TRAF5: variants seen among roughly 807,000 people sequenced by gnomAD.
TRAF5 encodes TNF receptor associated factor 5, also known as TNF receptor-associated factor 5.
TRAF5 carries 48 observed loss-of-function variants against 64.5 expected under a neutral mutation model. That is an observed-to-expected ratio of 0.74 (90% CI 0.59 to 0.95). TRAF5 has a LOEUF of 0.95. Ranked by LOEUF, TRAF5 falls within the 40% of genes least tolerant of loss-of-function variation. The probability of loss-of-function intolerance (pLI) is 0.00; values close to 1 mark genes in which losing one functional copy is unlikely to be tolerated. For synonymous variants in TRAF5, 206 were observed against 240.5 expected, an observed-to-expected ratio of 0.86 and a Z score of 1.33; for missense variants, 545 against 662.8, an observed-to-expected ratio of 0.82 and a Z score of 1.95.
At position 211,361,129 on chromosome 1, in the gene TRAF5, C is replaced by T; in HGVS notation, c.663C>T (p.Asp221=). Reference sequence around the variant, plus strand: ...CTGTATGTCCTGAAGCTGAGCAAGACTGTCCTTTTAAGCACTATGGCTGTG... The same window carrying T: ...CTGTATGTCCTGAAGCTGAGCAAGATTGTCCTTTTAAGCACTATGGCTGTG... ...HLAVCPEAEQ[D]CPFKHYGCAV... is the part of the protein sequence containing the mutation. The change falls in exon 7 of 11, where the codon GAC becomes GAT. Residue 221 remains aspartate (D), a synonymous_variant. Coordinates refer to ENST00000261464, the MANE Select transcript of TRAF5 (RefSeq NM_001033910.3). 6.2e-7 allele frequency: 1 copy of T among 1,614,188 alleles called. No homozygotes were observed. Among genetic ancestry groups the T allele is most frequent in the Non-Finnish European group, 8.5e-7 (1 of 1,180,018 alleles).
intron 1 of TRAF5, among the ~76,000 whole-genome samples, chr1:211,337,668 A>G (rs1243839870): frequency 1.3e-5 from 2 of 152,218 alleles, no homozygotes; most frequent in African/African-American, 4.8e-5. Context: ...CAGAGTGATT[A>G]TGCTGACAGT....
intron 8 of TRAF5, 71 bp downstream of exon 8, chr1:211,365,539 A>ATT: frequency 8.1e-7 from 1 of 1,241,700 alleles, no homozygotes; most frequent in East Asian, 2.5e-5. Context: ...CTATGCTGGT[A>ATT]TTTTTCTATT....
At position 211,326,833 on chromosome 1, in the gene TRAF5, A is replaced by C. The variant is rs1285287470; in HGVS notation, c.-58A>C. 31 of 984,406 alleles carry C rather than the reference A, an allele frequency of 3.1e-5. No individual in the cohort carries two copies. In the East Asian group the frequency reaches 2.4e-3, roughly 76 times the overall value. 61.0% of individuals were successfully genotyped at this position (984,406 alleles called of 1,614,324 possible). ...TTCGCCGCCGCCGCCGGCCGCAGCC[A>C]GGAGCAGCAGCCGCGCCTGCAGACC... On this transcript the variant is annotated 5_prime_UTR_variant, in exon 1 of 11. Coordinates refer to ENST00000261464, the MANE Select transcript of TRAF5 (RefSeq NM_001033910.3). This position sits in a 1 kb window ranked among gnomAD's most constrained non-coding sequence, Gnocchi z 5.0.
At chr1:211,349,478 T>C (rs544456209) in intron 1 of TRAF5, among the ~76,000 whole-genome samples, 1 of 152,260 alleles carries the variant, frequency 6.6e-6, no homozygotes, top group African/African-American at 2.4e-5. Context: ...GCTAGTTCCT[T>C]TGAGCCCATT....
chr1:211,372,184 C>G lies in TRAF5; in HGVS notation c.1156C>G (p.Gln386Glu), dbSNP rs1394921349. Residue 386 changes from glutamine (Q) to glutamate (E), a missense_variant, in exon 11 of 11, where the codon CAG becomes GAG. Gln to Glu is a conservative substitution (Grantham distance 29). Transcript: ENST00000261464. The stretch of plus-strand genomic sequence containing the variant: ...TACCCACATTAATATTCATAAAGCA[C>G]AGCTGAGTAAAAATGAAGAGCGATT... ...HDTHINIHKA[Q>E]LSKNEERFKL... 1.2e-6 allele frequency: 2 copies of G among 1,612,196 alleles called. No individual in the cohort carries two copies. The highest frequency in any genetic ancestry group is 4.5e-5 in the East Asian group (2 of 44,788).
chr1:211,364,794 G>A (rs1703295750), intron 7 of TRAF5, among the ~76,000 whole-genome samples: 1 of 152,132 alleles, frequency 6.6e-6, no homozygotes, highest in African/African-American at 2.4e-5. Flanking sequence ...TTAACCCATA[G>A]TCATATACTC....
intron 8 of TRAF5, among the ~76,000 whole-genome samples, chr1:211,368,015 G>A (rs567096224): frequency 1.6e-3 from 237 of 152,290 alleles, no homozygotes; most frequent in Non-Finnish European, 2.6e-3. Context: ...AACTTGAGAG[G>A]TGGTCTCGGC....
Position 211,369,452 on chromosome 1 carries a change from AT to A in TRAF5, c.793del (p.Ser265LeufsTer7), listed in dbSNP as rs766898169. The A allele has an allele frequency of 7.0e-6, 11 of 1,577,110 alleles. No homozygotes were observed. The African/African-American group carries it at 1.5e-4, about 22-fold the overall frequency. On this transcript the variant is annotated frameshift_variant and splice_region_variant, in exon 9 of 11. Coordinates refer to ENST00000261464, the MANE Select transcript of TRAF5 (RefSeq NM_001033910.3). LOFTEE classifies it high-confidence loss of function. ...TTTTTCCTCACGTTCCTGTTATTAGATTTCTGACTTACACAAGAGCCTAGAA... is the reference window on the plus strand; with the variant it reads ...TTTTTCCTCACGTTCCTGTTATTAGATTCTGACTTACACAAGAGCCTAGAA... ...LEKNVQLEEQ[I>X]SDLHKSLEQK... is the part of the protein sequence containing the mutation.
intron 2 of TRAF5, among the ~76,000 whole-genome samples, chr1:211,354,012 C>T (rs1702879504): frequency 6.6e-6 from 1 of 152,240 alleles, no homozygotes; most frequent in Non-Finnish European, 1.5e-5. Context: ...TCCTCATTCC[C>T]TCATGTGTTT....
intron 1 of TRAF5, among the ~76,000 whole-genome samples, chr1:211,328,814 G>A (rs1323182070): frequency 1.3e-5 from 2 of 152,166 alleles, no homozygotes; most frequent in African/African-American, 2.4e-5. Context: ...TGTTCTTGTC[G>A]TTTTGTTCTC....
chr1:211,337,452 G>A (rs984773123), intron 1 of TRAF5, among the ~76,000 whole-genome samples: 3 of 152,168 alleles, frequency 2.0e-5, no homozygotes, highest in South Asian at 2.1e-4. Flanking sequence ...GCAGAGAAAC[G>A]AAGGGCCCTG....
intron 10 of TRAF5, 80 bp downstream of exon 10, chr1:211,371,550 TAG>T: frequency 1.5e-6 from 2 of 1,356,802 alleles, no homozygotes; most frequent in Non-Finnish European, 2.1e-6. Flanking sequence ...CCTGGCCAAA[TAG>T]AGAGTCACAT....
intron 1 of TRAF5, among the ~76,000 whole-genome samples, chr1:211,339,761 GTCTCTCGT>G (rs1702398192): frequency 6.6e-6 from 1 of 152,192 alleles, no homozygotes; most frequent in Non-Finnish European, 1.5e-5. Context: ...GCCAGGAAGC[GTCTCTCGT>G]CTGCTTCCTC....
chr1:211,327,021 C>A, intron 1 of TRAF5, 132 bp downstream of exon 1: 1 of 801,560 alleles, frequency 1.2e-6, no homozygotes, highest in Non-Finnish European at 1.5e-6. Context: ...GGCCGGTCCC[C>A]GACCGGCGGG....
chr1:211,362,173 C>T (rs1026724626), intron 7 of TRAF5, among the ~76,000 whole-genome samples: 1 of 151,998 alleles, frequency 6.6e-6, no homozygotes, highest in Non-Finnish European at 1.5e-5. Flanking sequence ...CTTTTAAATA[C>T]TTTAAAATAA....
chr1:211,360,431 T>A, intron 5 of TRAF5: 1 of 505,514 alleles, frequency 2.0e-6, no homozygotes, highest in Non-Finnish European at 3.5e-6. Context: ...CTTTTACATG[T>A]CCCGAAGGAG....
chr1:211,343,988 T>G lies in TRAF5; in HGVS notation c.-1-9251T>G, dbSNP rs114635538. 9.2e-3 allele frequency among the ~76,000 whole-genome samples: 1,397 copies of G among 152,292 alleles called. 20 individuals carry two copies. Among genetic ancestry groups the G allele is most frequent in the African/African-American group, 0.032 (1,324 of 41,558 alleles). ...GTGGGAAGATCAGTAGAGCTTTCTT[T>G]GTTATTTTTTCCTCTTGGTCTGGTT... On this transcript the variant is annotated intron_variant, in intron 1 of 10. Transcript: ENST00000261464.
intron 8 of TRAF5, 155 bp downstream of exon 8, chr1:211,365,623 A>G: frequency 1.8e-6 from 1 of 561,598 alleles, no homozygotes. Flanking sequence ...TCATAGGATT[A>G]TAGAACATTA....
chr1:211,353,119 C>A, intron 1 of TRAF5, 120 bp from the exon 2 acceptor site: 1 of 1,018,928 alleles, frequency 9.8e-7, no homozygotes, highest in South Asian at 1.5e-5. Context: ...AGAGTCACAA[C>A]AGAATGACCA....
Sources: allele counts gnomAD v4.1 joint callset (sites outside exome capture counted in the v4.1 genomes callset), GRCh38; gene constraint gnomAD v4.1.1; non-coding constraint Gnocchi (gnomAD v3.1); transcripts MANE v1.5; gene names NCBI Gene and HGNC (gene_info 2026-07-23, HGNC 2026-07-21).